Variants in ZDHHC15 observed in about 807,000 individuals in gnomAD.
ZDHHC15 encodes the protein zDHHC palmitoyltransferase 15.
In ZDHHC15, 19 loss-of-function variants were observed where a neutral mutation model predicts 31.7. The observed-to-expected ratio is 0.60, with a 90% CI of 0.42 to 0.88. The LOEUF (loss-of-function observed/expected upper bound fraction) is 0.88. Among genes scored for constraint, ZDHHC15 ranks in the 40% least tolerant of loss-of-function variants. The probability of loss-of-function intolerance (pLI) is 0.00; values close to 1 mark genes in which losing one functional copy is unlikely to be tolerated. For missense variants in ZDHHC15, 209 were observed against 251.2 expected (o/e 0.83, Z 1.14); for synonymous variants, 103 against 90.0 (o/e 1.14, Z -0.82).
chrX:75,440,032 T>C (rs1212496187), intron 4 of ZDHHC15, among the ~76,000 whole-genome samples: 1 of 111,903 alleles, frequency 8.9e-6, no homozygotes, highest in Non-Finnish European at 1.9e-5. Flanking sequence ...TCTTCAGTTC[T>C]CTCAGTCATG....
chrX:75,502,191 G>T (rs780044881), intron 2 of ZDHHC15: 1 of 111,538 alleles, frequency 9.0e-6, no homozygotes, highest in South Asian at 3.7e-4. Flanking sequence ...TCTCTCCTTG[G>T]CATGTAGATA....
intron 10 of ZDHHC15, among the ~76,000 whole-genome samples, chrX:75,416,792 G>A (rs1023887812): frequency 9.0e-6 from 1 of 111,569 alleles, no homozygotes; most frequent in Non-Finnish European, 1.9e-5. Context: ...TTCAAGCAAA[G>A]TACTACAAGT....
intron 10 of ZDHHC15, among the ~76,000 whole-genome samples, chrX:75,416,872 CA>C (rs1449983554): frequency 9.0e-6 from 1 of 111,470 alleles, no homozygotes; most frequent in Non-Finnish European, 1.9e-5. Flanking sequence ...ATATAAATCA[CA>C]GAATCACAAA....
chrX:75,423,765 G>T (rs1484066662), intron 8 of ZDHHC15, among the ~76,000 whole-genome samples: 1 of 108,189 alleles, frequency 9.2e-6, no homozygotes, highest in Admixed American at 1.0e-4. Context: ...TGCTAGGAGT[G>T]CTAAGAATAC....
At chrX:75,405,068 T>A (rs2083396969) in intron 10 of ZDHHC15, among the ~76,000 whole-genome samples, 1 of 112,177 alleles carries the variant, frequency 8.9e-6, no homozygotes, top group African/African-American at 3.2e-5. Context: ...TGAGATCATG[T>A]CTTTTGTGGG....
chrX:75,371,152 C>T lies in ZDHHC15; in HGVS notation c.*1826G>A, dbSNP rs1192120948. Reference sequence around the variant, plus strand: ...AAGGCCATACATGTAGAAAAAGGTGCATATCTATATGAATAGAAGACAAGG... The same window carrying T: ...AAGGCCATACATGTAGAAAAAGGTGTATATCTATATGAATAGAAGACAAGG... On this transcript the variant is annotated 3_prime_UTR_variant, in exon 12 of 12. Coordinates refer to ENST00000373367, the MANE Select transcript of ZDHHC15 (RefSeq NM_144969.3). 9.0e-6 allele frequency: 1 copy of T among 111,679 alleles called. No homozygotes were observed. The highest frequency in any genetic ancestry group is 1.9e-5 in the Non-Finnish European group (1 of 53,206). 9.2% of individuals were successfully genotyped at this position (111,679 alleles called of 1,213,427 possible).
At chrX:75,505,428 G>A (rs1489159794) in intron 2 of ZDHHC15, among the ~76,000 whole-genome samples, 1 of 111,043 alleles carries the variant, frequency 9.0e-6, no homozygotes, top group East Asian at 2.8e-4. Flanking sequence ...CTGGAACTGT[G>A]ATGGTGAAGG....
At chrX:75,521,461 G>A (rs2085439933) in intron 1 of ZDHHC15, among the ~76,000 whole-genome samples, 1 of 110,674 alleles carries the variant, frequency 9.0e-6, no homozygotes, top group African/African-American at 3.3e-5. Context: ...TAAGAATGGG[G>A]AACGGGGGGA....
chrX:75,444,746 T>C (rs1328659536), intron 4 of ZDHHC15, among the ~76,000 whole-genome samples: 2 of 96,022 alleles, frequency 2.1e-5, no homozygotes, highest in African/African-American at 8.0e-5. Context: ...TAAAATACCA[T>C]GTGTACTACT....
intron 1 of ZDHHC15, among the ~76,000 whole-genome samples, chrX:75,509,765 G>A (rs1358236031): frequency 8.9e-6 from 1 of 112,245 alleles, no homozygotes; most frequent in Admixed American, 9.4e-5. Context: ...GCACTTGGGT[G>A]CTTTGCACAT....
intron 2 of ZDHHC15, among the ~76,000 whole-genome samples, chrX:75,492,435 T>A (rs758997727): frequency 6.3e-5 from 7 of 111,386 alleles, no homozygotes; most frequent in African/African-American, 2.3e-4. Flanking sequence ...GCGGACCTAA[T>A]AGACATCTAC....
At chrX:75,418,254 A>G (rs771572031) in intron 9 of ZDHHC15, among the ~76,000 whole-genome samples, 85 of 111,928 alleles carry the variant, frequency 7.6e-4, no homozygotes, top group Non-Finnish European at 1.2e-3. Flanking sequence ...TCTTTAAAAT[A>G]CTAACTGCTA....
At chrX:75,502,283 G>T (rs1210698747) in intron 2 of ZDHHC15, 2 of 111,354 alleles carry the variant, frequency 1.8e-5, no homozygotes, top group Non-Finnish European at 3.8e-5. Flanking sequence ...AAGGACATCA[G>T]ACTGGATTAC....
intron 3 of ZDHHC15, among the ~76,000 whole-genome samples, chrX:75,476,679 A>T (rs2084610106): frequency 1.1e-5 from 1 of 94,631 alleles, no homozygotes; most frequent in Non-Finnish European, 2.1e-5. Context: ...TTGTGCCTGT[A>T]CTCTTTTTTA....
intron 9 of ZDHHC15, among the ~76,000 whole-genome samples, chrX:75,421,400 T>C (rs376214925): frequency 1.9e-4 from 1 of 5,187 alleles, no homozygotes; most frequent in Non-Finnish European, 1.0e-3. Flanking sequence ...ATATATATAT[T>C]ATATATATAT....
intron 11 of ZDHHC15, among the ~76,000 whole-genome samples, chrX:75,374,498 C>T (rs1178083970): frequency 1.8e-5 from 2 of 110,062 alleles, no homozygotes; most frequent in African/African-American, 6.6e-5. Flanking sequence ...AAAAAAAATT[C>T]TATGCCTACC....
At chrX:75,470,680 C>T (rs1602681903) in intron 3 of ZDHHC15, among the ~76,000 whole-genome samples, 1 of 111,215 alleles carries the variant, frequency 9.0e-6, no homozygotes, top group Non-Finnish European at 1.9e-5. Flanking sequence ...AGTTTTAGCT[C>T]AGGTCTGATT....
chrX:75,407,408 C>T lies in ZDHHC15; in HGVS notation c.967+9679G>A, dbSNP rs1252558280. On this transcript the variant is annotated intron_variant, in intron 10 of 11. Transcript: ENST00000373367. ...CGTCCAGGAGGTGGGGGGCAGCCCC[C>T]ACCCAGCCAGCTGCCCTGCCCAGGA... Among the ~76,000 whole-genome samples the T allele has an allele frequency of 8.2e-5, 9 of 109,239 alleles. 1 individual carries two copies. Among genetic ancestry groups the T allele is most frequent in the Admixed American group, 4.8e-4 (5 of 10,511 alleles). The allele number at this position is 109,239 out of a possible 115,157, so 94.9% of individuals were successfully genotyped here.
chrX:75,514,620 G>A (rs2085327629), intron 1 of ZDHHC15, among the ~76,000 whole-genome samples: 1 of 111,861 alleles, frequency 8.9e-6, no homozygotes, highest in African/African-American at 3.3e-5. Flanking sequence ...AAGGGGTCTG[G>A]CAATTCCCTT....
Sources: allele counts gnomAD v4.1 joint callset (sites outside exome capture counted in the v4.1 genomes callset), GRCh38; gene constraint gnomAD v4.1.1; transcripts MANE v1.5; gene names NCBI Gene and HGNC (gene_info 2026-07-23, HGNC 2026-07-21).